The following SLC6A7 variants were observed in gnomAD, a reference collection of about 807,000 sequenced individuals.
SLC6A7 encodes the protein sodium-dependent proline transporter.
SLC6A7 carries 58 observed loss-of-function variants against 73.1 expected under a neutral mutation model. The ratio of observed to expected loss-of-function variants is 0.79; its 90% CI spans 0.64 to 0.99. The LOEUF is 0.99. Among genes scored for constraint, SLC6A7 ranks in the 50% least tolerant of loss-of-function variants. The pLI is 0.00. For synonymous variants in SLC6A7, 338 were observed against 338.7 expected (o/e 1.00, Z 0.02); for missense variants, 783 against 831.4 (o/e 0.94, Z 0.72).
chr5:150,206,391 G>A (rs921979446), intron 13 of SLC6A7, among the ~76,000 whole-genome samples: 3 of 152,184 alleles, frequency 2.0e-5, no homozygotes, highest in African/African-American at 7.2e-5. Context: ...TAAATATTCA[G>A]GAATGTGTGA....
At chr5:150,201,739 G>A (rs974965109) in intron 6 of SLC6A7, among the ~76,000 whole-genome samples, 1 of 152,162 alleles carries the variant, frequency 6.6e-6, no homozygotes, top group Non-Finnish European at 1.5e-5. Context: ...CCCAAGGAGG[G>A]CATTAGTGAC....
Position 150,202,404 on chromosome 5 carries a change from C to T in SLC6A7, c.916C>T (p.Leu306Phe). ...TTCCCTGGGTGTGGGCTTCGGGGGG[C>T]TCCTCACCTTTGCCTCCTACAACAC... ...FYSLGVGFGG[L>F]LTFASYNTFH... Residue 306 changes from leucine (L) to phenylalanine (F), a missense_variant, in exon 7 of 14, where the codon CTC becomes TTC. Physicochemically the swap from Leu to Phe is conservative, Grantham distance 22. Coordinates refer to ENST00000230671, the MANE Select transcript of SLC6A7 (RefSeq NM_014228.5). 6.2e-7 allele frequency: 1 copy of T among 1,614,116 alleles called. No individual in the cohort carries two copies. Among genetic ancestry groups the T allele is most frequent in the East Asian group, 2.2e-5 (1 of 44,886 alleles).
At chr5:150,199,157 C>A in intron 4 of SLC6A7, 71 bp from the exon 5 acceptor site, 1 of 1,494,732 alleles carries the variant, frequency 6.7e-7, no homozygotes, top group Middle Eastern at 1.9e-4. Flanking sequence ...GTGGGCTGGA[C>A]ATGGCTTGAC....
At chr5:150,193,086 G>A (rs971986224) in intron 1 of SLC6A7, among the ~76,000 whole-genome samples, 1 of 152,218 alleles carries the variant, frequency 6.6e-6, no homozygotes, top group Admixed American at 6.5e-5. Flanking sequence ...TTCCAGGCAT[G>A]TATTTGTTTC....
intron 2 of SLC6A7, 88 bp from the exon 3 acceptor site, chr5:150,196,628 T>A (rs1753033002): frequency 3.1e-6 from 4 of 1,305,454 alleles, no homozygotes; most frequent in Admixed American, 2.1e-5. Context: ...TGAGGGGGCA[T>A]CTGCAGGCCA....
intron 6 of SLC6A7, among the ~76,000 whole-genome samples, chr5:150,201,680 A>G (rs1396577660): frequency 3.3e-5 from 5 of 152,194 alleles, no homozygotes. Context: ...TCATACAGCT[A>G]GGGGATCGAA....
At chr5:150,201,335 G>T (rs890179543) in intron 6 of SLC6A7, 112 bp downstream of exon 6, 1 of 589,334 alleles carries the variant, frequency 1.7e-6, no homozygotes, top group Non-Finnish European at 2.7e-6. Context: ...CCCTTCTTGC[G>T]TCTTTTTTAT....
chr5:150,206,104 T>C (rs767004829), intron 13 of SLC6A7, among the ~76,000 whole-genome samples: 4 of 151,998 alleles, frequency 2.6e-5, no homozygotes, highest in Non-Finnish European at 5.9e-5. Flanking sequence ...ACAGAGAGAG[T>C]GCACTCTGCC....
intron 13 of SLC6A7, among the ~76,000 whole-genome samples, chr5:150,208,439 G>A (rs992557940): frequency 6.6e-6 from 1 of 152,160 alleles, no homozygotes; most frequent in African/African-American, 2.4e-5. Flanking sequence ...GAGAGAACTG[G>A]TGGAGCTGAT....
chr5:150,209,555 C>T lies in SLC6A7; in HGVS notation c.1851C>T (p.Phe617=), dbSNP rs1753864971. 5 of 1,614,028 alleles carry T rather than the reference C, an allele frequency of 3.1e-6. No homozygotes were observed. Among genetic ancestry groups the T allele is most frequent in the Non-Finnish European group, 3.4e-6 (4 of 1,179,940 alleles). Residue 617 remains phenylalanine, a synonymous_variant, in exon 14 of 14, where the codon TTC becomes TTT. Transcript: ENST00000230671. ...GCAAGTACGGGGGCATCACCAGCTT[C>T]GAGAACACGGCCATCGAGGTGGACC... The part of the protein sequence containing the change: ...HMRKYGGITS[F]ENTAIEVDRE...
chr5:150,197,913 C>T (rs965029418), intron 4 of SLC6A7, among the ~76,000 whole-genome samples: 7 of 152,092 alleles, frequency 4.6e-5, no homozygotes, highest in East Asian at 1.9e-4. Context: ...ACCATTATCA[C>T]GGTGCTGGGC....
chr5:150,201,939 G>A (rs1019053154), intron 6 of SLC6A7, among the ~76,000 whole-genome samples: 6 of 152,192 alleles, frequency 3.9e-5, no homozygotes, highest in Non-Finnish European at 8.8e-5. Flanking sequence ...GACCTGGCTT[G>A]TTCAGGCTGC....
chr5:150,195,929 C>T (rs1034798147), intron 2 of SLC6A7, among the ~76,000 whole-genome samples: 2 of 152,148 alleles, frequency 1.3e-5, no homozygotes, highest in Non-Finnish European at 2.9e-5. Flanking sequence ...GCTTCCTCCC[C>T]GCAGTTGGTG....
intron 1 of SLC6A7, 129 bp from the exon 2 acceptor site, chr5:150,194,599 C>T: frequency 1.4e-6 from 1 of 717,032 alleles, no homozygotes; most frequent in Non-Finnish European, 2.4e-6. Flanking sequence ...CAGTTGAGAG[C>T]ACTTGATTAT....
chr5:150,208,859 C>T (rs1338373502), intron 13 of SLC6A7, among the ~76,000 whole-genome samples: 1 of 152,184 alleles, frequency 6.6e-6, no homozygotes, highest in East Asian at 1.9e-4. Flanking sequence ...AGGTCAGAGG[C>T]AGAAGGAGGC....
chr5:150,198,108 A>AGAG (rs1562085495), intron 4 of SLC6A7, among the ~76,000 whole-genome samples: 5 of 98,758 alleles, frequency 5.1e-5, no homozygotes, highest in African/African-American at 1.7e-4. Context: ...AGAAAGAAAG[A>AGAG]AAGAAAGAGA....
At chr5:150,200,997 G>A in intron 5 of SLC6A7, 92 bp from the exon 6 acceptor site, 2 of 1,414,050 alleles carry the variant, frequency 1.4e-6, no homozygotes, top group Admixed American at 1.7e-5. Context: ...CTACCCAAAG[G>A]CTGGGGAGGC....
At chr5:150,209,321 G>C in intron 13 of SLC6A7, 85 bp from the exon 14 acceptor site, 4 of 1,114,186 alleles carry the variant, frequency 3.6e-6, no homozygotes, top group Non-Finnish European at 5.4e-6. Flanking sequence ...ATGTGGTCAG[G>C]TGTTTGCTGG....
intron 1 of SLC6A7, among the ~76,000 whole-genome samples, chr5:150,191,260 T>A (rs1384521427): frequency 6.6e-6 from 1 of 152,156 alleles, no homozygotes; most frequent in Non-Finnish European, 1.5e-5. Flanking sequence ...TGGGGAAGAA[T>A]GCTAAAGGGC....
Sources: allele counts gnomAD v4.1 joint callset (sites outside exome capture counted in the v4.1 genomes callset), GRCh38; gene constraint gnomAD v4.1.1; transcripts MANE v1.5; gene names NCBI Gene and HGNC (gene_info 2026-07-23, HGNC 2026-07-21).